FAM13A: variants seen among roughly 807,000 people sequenced by gnomAD.
FAM13A encodes the protein family with sequence similarity 13 member A, also known as protein FAM13A.
In FAM13A, 76 loss-of-function variants were observed where a neutral mutation model predicts 129.6. That is an observed-to-expected ratio of 0.59 (90% CI 0.49 to 0.71). The LOEUF is 0.71. Among genes scored for constraint, FAM13A ranks in the 30% least tolerant of loss-of-function variants. FAM13A has a pLI of 0.00. For synonymous variants in FAM13A, 443 were observed against 449.9 expected, an observed-to-expected ratio of 0.98 and a Z score of 0.20; for missense variants, 1,108 against 1,249.3, an observed-to-expected ratio of 0.89 and a Z score of 1.70.
intron 5 of FAM13A, among the ~76,000 whole-genome samples, chr4:88,925,995 A>G (rs1752089013): frequency 6.6e-6 from 1 of 152,136 alleles, no homozygotes; most frequent in South Asian, 2.1e-4. Flanking sequence ...GCGAGGATTG[A>G]GAGCAAGTAG....
chr4:88,832,073 A>C lies in FAM13A; in HGVS notation c.1007+18947T>G, dbSNP rs142378744. 1.2e-4 allele frequency among the ~76,000 whole-genome samples: 18 copies of C among 152,278 alleles called. No individual in the cohort carries two copies. The East Asian group carries it at 3.5e-3, about 29-fold the overall frequency. ...AATGGAACAGAATAGAGAACTCAGA[A>C]ATAACATTGCACACCTAAAACCGTC... On this transcript the variant is annotated intron_variant, in intron 7 of 23. Coordinates refer to ENST00000264344, the MANE Select transcript of FAM13A (RefSeq NM_014883.4).
chr4:88,983,660 TG>T (rs1761909088), intron 4 of FAM13A, among the ~76,000 whole-genome samples: 1 of 152,094 alleles, frequency 6.6e-6, no homozygotes, highest in Non-Finnish European at 1.5e-5. Context: ...CCTAAGTAAA[TG>T]GAAAAATATT....
intron 5 of FAM13A, among the ~76,000 whole-genome samples, chr4:88,919,284 T>A (rs544994804): frequency 6.6e-6 from 1 of 152,348 alleles, no homozygotes; most frequent in South Asian, 2.1e-4. Flanking sequence ...GCAGTCAGCA[T>A]GTCTTAAAAA....
intron 4 of FAM13A, among the ~76,000 whole-genome samples, chr4:88,985,742 C>T (rs1041635727): frequency 4.6e-5 from 7 of 151,200 alleles, no homozygotes; most frequent in African/African-American, 1.7e-4. Context: ...GATGTGGGAT[C>T]ATATCTAACA....
At chr4:88,801,386 T>C (rs1398959549) in intron 8 of FAM13A, among the ~76,000 whole-genome samples, 2 of 152,076 alleles carry the variant, frequency 1.3e-5, no homozygotes, top group Non-Finnish European at 2.9e-5. Context: ...TTCAGGAAAA[T>C]TAGAAAACAG....
intron 3 of FAM13A, among the ~76,000 whole-genome samples, chr4:88,994,068 A>T (rs1195726819): frequency 6.6e-6 from 1 of 152,180 alleles, no homozygotes; most frequent in African/African-American, 2.4e-5. Context: ...GTAACTGAGA[A>T]ATATCTTCCA....
At chr4:89,053,099 A>G (rs550563236) in intron 1 of FAM13A, among the ~76,000 whole-genome samples, 4 of 152,310 alleles carry the variant, frequency 2.6e-5, no homozygotes, top group African/African-American at 7.2e-5. Context: ...TAAATATCCA[A>G]TTTCATTGCT....
At chr4:88,731,217 A>C in intron 23 of FAM13A, 110 bp downstream of exon 23, 1 of 628,604 alleles carries the variant, frequency 1.6e-6, no homozygotes, top group Non-Finnish European at 2.8e-6. Context: ...GGGAGGATGC[A>C]GAAGAGTCCC....
intron 13 of FAM13A, 146 bp from the exon 14 acceptor site, chr4:88,759,047 C>A (rs1340685193): frequency 1.4e-5 from 11 of 763,928 alleles, no homozygotes; most frequent in Non-Finnish European, 2.0e-5. Context: ...TGGCTTGATG[C>A]CCCCCGGATC....
chr4:88,976,813 A>G (rs1760981901), intron 4 of FAM13A, among the ~76,000 whole-genome samples: 1 of 136,546 alleles, frequency 7.3e-6, no homozygotes, highest in African/African-American at 2.7e-5. Context: ...TTTATAGTGT[A>G]TCTTTATTGT....
chr4:88,974,038 T>G (rs1560605436), intron 4 of FAM13A, among the ~76,000 whole-genome samples: 1 of 152,208 alleles, frequency 6.6e-6, no homozygotes, highest in Non-Finnish European at 1.5e-5. Context: ...TGCTCTAGTA[T>G]ATTTCAAATT....
At chr4:88,924,617 G>C (rs1207273239) in intron 5 of FAM13A, among the ~76,000 whole-genome samples, 1 of 152,066 alleles carries the variant, frequency 6.6e-6, no homozygotes, top group East Asian at 1.9e-4. Flanking sequence ...GAAAACCTAG[G>C]CATTACCATT....
At chr4:88,978,555 G>A (rs1241772933) in intron 4 of FAM13A, among the ~76,000 whole-genome samples, 2 of 152,222 alleles carry the variant, frequency 1.3e-5, no homozygotes, top group Non-Finnish European at 2.9e-5. Flanking sequence ...AGCTCTTTGG[G>A]AGGCCGAGGC....
chr4:88,809,741 T>C (rs1729275987), intron 7 of FAM13A, among the ~76,000 whole-genome samples: 1 of 151,990 alleles, frequency 6.6e-6, no homozygotes. Flanking sequence ...TTTCAATTTA[T>C]CCACAGTCTC....
At chr4:88,782,688 T>C (rs1290428968) in intron 10 of FAM13A, among the ~76,000 whole-genome samples, 1 of 152,158 alleles carries the variant, frequency 6.6e-6, no homozygotes, top group African/African-American at 2.4e-5. Context: ...AATGTGAAAA[T>C]ATATATTTAG....
intron 4 of FAM13A, among the ~76,000 whole-genome samples, chr4:88,945,607 TCCTACAGTGCA>T (rs750438016): frequency 2.1e-4 from 32 of 151,738 alleles, no homozygotes; most frequent in Admixed American, 8.6e-4. Context: ...ATCTAAGAGA[TCCTACAGTGCA>T]CCTAGCGGGA....
intron 7 of FAM13A, among the ~76,000 whole-genome samples, chr4:88,836,003 A>G (rs72872122): frequency 0.014 from 2,167 of 150,638 alleles, 66 homozygotes; most frequent in African/African-American, 0.051. Flanking sequence ...GACTTAAAAC[A>G]AATTTTTTTT....
chr4:88,835,853 C>T (rs1393831252), intron 7 of FAM13A, among the ~76,000 whole-genome samples: 2 of 152,116 alleles, frequency 1.3e-5, no homozygotes, highest in Non-Finnish European at 2.9e-5. Context: ...TGCTGCTCAC[C>T]TCCTAGTGTG....
At chr4:89,052,601 C>T (rs1771752357) in intron 1 of FAM13A, among the ~76,000 whole-genome samples, 1 of 151,756 alleles carries the variant, frequency 6.6e-6, no homozygotes, top group Admixed American at 6.6e-5. Context: ...TTTTAAACTG[C>T]CTTTGGGGTA....
Sources: gnomAD v4.1 joint callset for allele counts (sites outside exome capture counted in the v4.1 genomes callset) on GRCh38, gnomAD v4.1.1 for gene constraint, MANE v1.5 for transcripts, NCBI Gene and HGNC (gene_info 2026-07-23, HGNC 2026-07-21) for gene names.